ELAC2: variants seen among roughly 807,000 people sequenced by gnomAD.
ELAC2 encodes the protein elaC ribonuclease Z 2.
A neutral mutation model predicts 105.2 loss-of-function variants in ELAC2; 92 were observed. The ratio of observed to expected loss-of-function variants is 0.87; its 90% CI spans 0.74 to 1.04. The LOEUF is 1.04. ELAC2 is among the 50% of genes least tolerant of loss of function. ELAC2 has a pLI of 0.00. For synonymous variants in ELAC2, 468 were observed against 409.1 expected (o/e 1.14, Z -1.74); for missense variants, 1,099 against 1,071.7 (o/e 1.03, Z -0.36).
rs1417159046 is a variant in ELAC2, at chr17:13,017,835, C to T, written c.113G>A (p.Arg38Gln). 2.5e-6 allele frequency: 4 copies of T among 1,584,268 alleles called. No individual in the cohort carries two copies. Among genetic ancestry groups the T allele is most frequent in the Non-Finnish European group, 3.4e-6 (4 of 1,166,766 alleles). Residue 38 changes from arginine (R) to glutamine (Q), a missense_variant, in exon 1 of 24, where the codon CGG (arginine) becomes CAG (glutamine). Physicochemically the swap from Arg to Gln is conservative, Grantham distance 43 (BLOSUM62 1). Transcript: ENST00000338034. ...GCGCTTCTCTCGCGTGCGCAGGTGC[C>T]GCAGCGGGTCCTTGCGCGGCCGCTC... is the stretch of plus-strand genomic sequence containing the variant. ...RRERPRKDPL[R>Q]HLRTREKRGP... is the part of the protein sequence containing the mutation.
intron 12 of ELAC2, 104 bp downstream of exon 12, chr17:13,003,375 G>T: frequency 9.5e-7 from 1 of 1,055,036 alleles, no homozygotes; most frequent in Non-Finnish European, 1.5e-6. Flanking sequence ...GTTTAGGCAG[G>T]TGCAGAAGGG....
intron 8 of ELAC2, among the ~76,000 whole-genome samples, chr17:13,010,085 A>T (rs576493778): frequency 1.3e-5 from 2 of 152,280 alleles, no homozygotes; most frequent in African/African-American, 4.8e-5. Context: ...GAAACAGAGC[A>T]TCTAAACTCT....
chr17:13,006,057 A>T, intron 8 of ELAC2, 78 bp from the exon 9 acceptor site: 3 of 1,398,710 alleles, frequency 2.1e-6, no homozygotes, highest in South Asian at 1.2e-5. Context: ...TTAGAAGTGT[A>T]TTTTTCTAGA....
Position 13,013,267 on chromosome 17 carries a change from G to C in ELAC2, c.499C>G (p.Pro167Ala). 6.2e-7 allele frequency: 1 copy of C among 1,614,108 alleles called. No individual in the cohort carries two copies. Among genetic ancestry groups the C allele is most frequent in the Middle Eastern group, 1.6e-4 (1 of 6,062 alleles). Residue 167 changes from proline (P) to alanine (A), a missense_variant, in exon 6 of 24, where the codon CCC becomes GCC. By Grantham distance (27) the Pro-to-Ala change is conservative. Transcript: ENST00000338034. ...TCCTCGTATTCTGGGGCAGAGTGGGGCCGCACAGCTACAAGAAAACCACAC... is the reference window on the plus strand; with the variant it reads ...TCCTCGTATTCTGGGGCAGAGTGGGCCCGCACAGCTACAAGAAAACCACAC... ...PLKGIELAVR[P>A]HSAPEYEDET... is the part of the protein sequence containing the mutation.
Position 12,994,903 on chromosome 17 carries a change from A to G in ELAC2, c.1909-19T>C. ...TCTGAAACTGAAAGGGTGGGGCTGG[A>G]GGGCTCTGCAGCTCTGCTCCCCACC... On this transcript the variant is annotated intron_variant, in intron 20 of 23. Coordinates refer to ENST00000338034, the MANE Select transcript of ELAC2 (RefSeq NM_018127.7). 6.2e-7 allele frequency: 1 copy of G among 1,614,088 alleles called. No individual in the cohort carries two copies. Among genetic ancestry groups the G allele is most frequent in the South Asian group, 1.1e-5 (1 of 91,084 alleles).
At chr17:13,004,634 C>T (rs938557662) in intron 11 of ELAC2, among the ~76,000 whole-genome samples, 2 of 152,198 alleles carry the variant, frequency 1.3e-5, no homozygotes, top group African/African-American at 4.8e-5. Flanking sequence ...TGTTTCAATG[C>T]AGGTAATGGA....
chr17:13,005,586 C>T (rs777482745), intron 10 of ELAC2, among the ~76,000 whole-genome samples, 167 bp downstream of exon 10: 1 of 152,106 alleles, frequency 6.6e-6, no homozygotes, highest in African/African-American at 2.4e-5. Flanking sequence ...TGTTGACATG[C>T]GGGACAAACA....
chr17:13,016,729 A>T (rs2041746347), intron 3 of ELAC2, 133 bp downstream of exon 3: 3 of 888,138 alleles, frequency 3.4e-6, no homozygotes, highest in Non-Finnish European at 5.2e-6. Flanking sequence ...GCAGTGAGCC[A>T]AGATCACGCC....
Position 12,992,897 on chromosome 17 carries a change from C to T in ELAC2, c.2402G>A (p.Gly801Asp). 1 of 1,612,220 alleles carries T rather than the reference C, an allele frequency of 6.2e-7. No individual in the cohort carries two copies. The highest frequency in any genetic ancestry group is 8.5e-7 in the Non-Finnish European group (1 of 1,180,024). ...CTGAGGCTCCCCATCCTCCAGGCCGCCTGCCAGCTCCCTGGACAGGAGGGC... is the reference window on the plus strand; with the variant it reads ...CTGAGGCTCCCCATCCTCCAGGCCGTCTGCCAGCTCCCTGGACAGGAGGGC... ...RAALLSRELA[G>D]GLEDGEPQQK... The change falls in exon 24 of 24, where the codon GGC becomes GAC. Residue 801 changes from glycine (G) to aspartate (D), a missense_variant. Gly to Asp is a moderately conservative substitution (Grantham distance 94). Transcript: ENST00000338034.
chr17:12,993,080 A>C, intron 23 of ELAC2, 35 bp from the exon 24 acceptor site: 11 of 1,589,558 alleles, frequency 6.9e-6, no homozygotes, highest in South Asian at 1.1e-5. Flanking sequence ...GACATGTCTC[A>C]GAGGGGCAGG....
chr17:13,013,152 T>C lies in ELAC2; in HGVS notation c.559+55A>G, dbSNP rs931908087. 3.1e-6 allele frequency: 5 copies of C among 1,594,334 alleles called. No homozygotes were observed. In the African/African-American group the frequency reaches 6.7e-5, roughly 21 times the overall value. On this transcript the variant is annotated intron_variant, in intron 6 of 23. Transcript: ENST00000338034. ...GTTCAGTTTCTATTTTCATCCATGTTTTCTTTACTCAGGACGTACACCCTC... is the reference window on the plus strand; with the variant it reads ...GTTCAGTTTCTATTTTCATCCATGTCTTCTTTACTCAGGACGTACACCCTC...
chr17:12,997,579 G>T (rs1233614285), intron 16 of ELAC2, among the ~76,000 whole-genome samples: 1 of 152,134 alleles, frequency 6.6e-6, no homozygotes, highest in Non-Finnish European at 1.5e-5. Context: ...GCCCCCGGGA[G>T]AGGCCGGCTC....
In ELAC2 at chr17:12,995,070, A is replaced by G. The variant is rs1484585482; in HGVS notation, c.1809-8T>C. 3 of 1,613,768 alleles carry G rather than the reference A, an allele frequency of 1.9e-6. No homozygotes were observed. Among genetic ancestry groups the G allele is most frequent in the Non-Finnish European group, 2.5e-6 (3 of 1,179,690 alleles). The stretch of plus-strand genomic sequence containing the variant: ...CATTTGGCAGGAATCATACTGTAAA[A>G]AGACAAAACATTTAAAATGATAATA... On this transcript the variant is annotated splice_region_variant and splice_polypyrimidine_tract_variant and intron_variant, in intron 19 of 23. Transcript: ENST00000338034.
At position 13,002,462 on chromosome 17, in the gene ELAC2, C is replaced by T; in HGVS notation, c.1197G>A (p.Leu399=). 1 of 1,611,422 alleles carries T rather than the reference C, an allele frequency of 6.2e-7. No homozygotes were observed. Among genetic ancestry groups the T allele is most frequent in the Non-Finnish European group, 8.5e-7 (1 of 1,178,654 alleles). The change falls in exon 13 of 24, where the codon CTG becomes CTA. Residue 399 remains leucine (L), a synonymous_variant. Coordinates refer to ENST00000338034, the MANE Select transcript of ELAC2 (RefSeq NM_018127.7). ...LNLIHPDIFP[L]LTSFRCKKEG... ...CTACCTTACAGCGGAAACTGGTGAG[C>T]AGGGGGAAGATGTCCGGGTGGATGA...
At chr17:13,017,165 T>C in intron 1 of ELAC2, 44 bp from the exon 2 acceptor site, 1 of 1,543,910 alleles carries the variant, frequency 6.5e-7, no homozygotes, top group Non-Finnish European at 9.0e-7. Context: ...GGTTTTATTC[T>C]GTAAACTCTC....
At chr17:13,010,802 G>T in intron 7 of ELAC2, 131 bp from the exon 8 acceptor site, 1 of 827,054 alleles carries the variant, frequency 1.2e-6, no homozygotes, top group Non-Finnish European at 2.0e-6. Context: ...CAATACAAAG[G>T]CTGAAGACAC....
At chr17:13,013,368 T>A in intron 5 of ELAC2, 93 bp from the exon 6 acceptor site, 1 of 1,332,064 alleles carries the variant, frequency 7.5e-7, no homozygotes, top group South Asian at 1.2e-5. Flanking sequence ...GCAACTGAAT[T>A]GCCTCAGAAT....
rs1484634931 is a variant in ELAC2, at chr17:12,993,795, C to A, written c.2145G>T (p.Met715Ile). 6.2e-7 allele frequency: 1 copy of A among 1,614,208 alleles called. No individual in the cohort carries two copies. Among genetic ancestry groups the A allele is most frequent in the Admixed American group, 1.7e-5 (1 of 60,026 alleles). The change falls in exon 23 of 24, where the codon ATG becomes ATT. Residue 715 changes from methionine (M) to isoleucine (I), a missense_variant. Transcript: ENST00000338034. ...GGTTCAGCATAATGAACTCCGCGTT[C>A]ATCCGCATCCCCACGCTGATGGCTT... is the stretch of plus-strand genomic sequence containing the variant. Reference protein sequence around the residue: ...TSQAISVGMRMNAEFIMLNHF... With the variant: ...TSQAISVGMRINAEFIMLNHF...
At position 13,015,580 on chromosome 17, in the gene ELAC2, A is replaced by G. The variant is rs528322817; in HGVS notation, c.432+188T>C. Among the ~76,000 whole-genome samples, 3 of 152,356 alleles carry G rather than the reference A, an allele frequency of 2.0e-5. No homozygotes were observed. In the East Asian group the frequency reaches 5.8e-4, roughly 29 times the overall value. ...TAGATGAATAAACTAAAGCTCAGAA[A>G]GGTAAAGTAACTTGATCAAGGTCAC... On this transcript the variant is annotated intron_variant, in intron 4 of 23. Transcript: ENST00000338034.
Sources: gnomAD v4.1 joint callset for allele counts (sites outside exome capture counted in the v4.1 genomes callset) on GRCh38, gnomAD v4.1.1 for gene constraint, MANE v1.5 for transcripts, NCBI Gene and HGNC (gene_info 2026-07-23, HGNC 2026-07-21) for gene names.